Variants in POGZ observed in about 807,000 individuals in gnomAD.
POGZ encodes pogo transposable element derived with ZNF domain.
POGZ carries 17 observed loss-of-function variants against 134.6 expected under a neutral mutation model. The ratio of observed to expected loss-of-function variants is 0.13; its 90% confidence interval spans 0.09 to 0.19. The LOEUF (loss-of-function observed/expected upper bound fraction) is 0.19, where lower values mean the gene tolerates loss of function less well. Among genes scored for constraint, POGZ ranks in the 10% least tolerant of loss-of-function variants. The probability of loss-of-function intolerance (pLI) is 1.00; values close to 1 mark genes in which losing one functional copy is unlikely to be tolerated. For synonymous variants in POGZ, 693 were observed against 657.1 expected (o/e 1.05, Z -0.84); for missense variants, 1,306 against 1,769.7 (o/e 0.74, Z 4.70).
chr1:151,417,658 G>A (rs1557889470), intron 10 of POGZ, among the ~76,000 whole-genome samples: 2 of 149,086 alleles, frequency 1.3e-5, no homozygotes, highest in East Asian at 3.9e-4. Context: ...CACTGCGCCG[G>A]CCTATTAGAT....
chr1:151,406,870 T>C (rs745368846), intron 17 of POGZ, 41 bp downstream of exon 17: 3 of 1,469,986 alleles, frequency 2.0e-6, no homozygotes, highest in African/African-American at 2.8e-5. Context: ...TGTATCTTTT[T>C]TCCTCCCCTT....
In POGZ at chr1:151,411,702, G is replaced by A. The variant is rs930006233; in HGVS notation, c.1849C>T (p.Arg617Trp). ...VHFRMIHEDT[R>W]HLLCPYCLKV... ...AGGCAATAAGGGCAGAGCAGATGCC[G>A]GGTATCCTCATGGATCATCCGAAAA... is the stretch of plus-strand genomic sequence containing the variant. The change falls in exon 12 of 19, where the codon CGG becomes TGG. Residue 617 changes from arginine to tryptophan, a missense_variant. Arg to Trp is a moderately radical substitution (Grantham distance 101). Coordinates refer to ENST00000271715, the MANE Select transcript of POGZ (RefSeq NM_015100.4). The A allele has an allele frequency of 4.3e-6, 7 of 1,613,174 alleles. No homozygotes were observed. Among genetic ancestry groups the A allele is most frequent in the Admixed American group, 1.7e-5 (1 of 59,956 alleles).
chr1:151,416,626 T>TG (rs1655761235), intron 10 of POGZ, among the ~76,000 whole-genome samples: 1 of 19,700 alleles, frequency 5.1e-5, no homozygotes, highest in African/African-American at 9.5e-5. Context: ...ACTTTTTGGG[T>TG]TTTTTTTTTT....
chr1:151,420,301 A>G (rs1024874393), intron 10 of POGZ, among the ~76,000 whole-genome samples: 6 of 152,130 alleles, frequency 3.9e-5, no homozygotes, highest in African/African-American at 1.4e-4. Context: ...CCCTGGCACT[A>G]CACTGCAGTG....
At chr1:151,432,213 G>C (rs1409955750) in intron 3 of POGZ, among the ~76,000 whole-genome samples, 1 of 152,062 alleles carries the variant, frequency 6.6e-6, no homozygotes, top group African/African-American at 2.4e-5. Context: ...AAAAACCAAA[G>C]AGTCAAGCAA....
chr1:151,437,709 G>A (rs1017714735), intron 3 of POGZ, among the ~76,000 whole-genome samples: 2 of 152,044 alleles, frequency 1.3e-5, no homozygotes, highest in Admixed American at 6.5e-5. Context: ...CCGAGACTGC[G>A]CCACTGCACT....
At chr1:151,415,738 A>AT (rs1655525158) in intron 10 of POGZ, among the ~76,000 whole-genome samples, 1 of 152,026 alleles carries the variant, frequency 6.6e-6, no homozygotes, top group Non-Finnish European at 1.5e-5. Flanking sequence ...GGAAAACAGG[A>AT]ATAATAACTA....
intron 16 of POGZ, 84 bp from the exon 17 acceptor site, chr1:151,407,107 G>A: frequency 8.0e-7 from 1 of 1,246,700 alleles, no homozygotes; most frequent in Non-Finnish European, 1.2e-6. Context: ...AGAAAGAAAA[G>A]GAATGCCCTC....
chr1:151,447,469 T>C (rs1230075651), intron 1 of POGZ, among the ~76,000 whole-genome samples: 1 of 151,758 alleles, frequency 6.6e-6, no homozygotes, highest in Non-Finnish European at 1.5e-5. Context: ...TTTTCTCTTC[T>C]TTTTTTGTGA....
rs970232972 is a variant in POGZ, at chr1:151,408,758, T to C, written c.1997A>G (p.Lys666Arg). The C allele has an allele frequency of 5.0e-6, 8 of 1,614,026 alleles. No individual in the cohort carries two copies. The highest frequency in any genetic ancestry group is 2.2e-5 in the South Asian group (2 of 91,076). ...FLFAKDKIEHKLQHHKTFRKP... is the reference protein window; with the variant it reads ...FLFAKDKIEHRLQHHKTFRKP... ...ACGGAAGGTTTTATGGTGTTGAAGC[T>C]TGTGTTCAATTTTGTCCTTGGCAAA... The change falls in exon 13 of 19, where the codon AAG becomes AGG. Residue 666 changes from lysine to arginine, a missense_variant. By Grantham distance (26) the Lys-to-Arg change is conservative (BLOSUM62 2). Coordinates refer to ENST00000271715, the MANE Select transcript of POGZ (RefSeq NM_015100.4).
chr1:151,444,700 TTTATC>T (rs1275690992), intron 1 of POGZ, among the ~76,000 whole-genome samples: 2 of 152,212 alleles, frequency 1.3e-5, no homozygotes, highest in African/African-American at 2.4e-5. Context: ...AGGGTGTTCT[TTTATC>T]TTAAGTATTT....
chr1:151,450,113 C>T (rs1025010051), intron 1 of POGZ, among the ~76,000 whole-genome samples: 3 of 144,120 alleles, frequency 2.1e-5, no homozygotes, highest in East Asian at 2.4e-4. Flanking sequence ...CTCACTGCAA[C>T]CTCCGCCTAC....
At chr1:151,408,024 AAAAAAAAG>A (rs1478591581) in intron 15 of POGZ, 68 bp downstream of exon 15, 1,977 of 1,054,118 alleles carry the variant, frequency 1.9e-3, no homozygotes, top group South Asian at 2.2e-3. Context: ...AAAAAAAAAA[AAAAAAAAG>A]AAGAAGAAGA....
chr1:151,418,505 A>G (rs1175350730), intron 10 of POGZ, among the ~76,000 whole-genome samples: 2 of 152,194 alleles, frequency 1.3e-5, no homozygotes, highest in Non-Finnish European at 2.9e-5. Flanking sequence ...GAAAGAAGAA[A>G]TAAGACCTAG....
intron 12 of POGZ, among the ~76,000 whole-genome samples, chr1:151,410,534 G>A (rs892836899): frequency 1.3e-5 from 2 of 149,280 alleles, no homozygotes; most frequent in Non-Finnish European, 2.9e-5. Flanking sequence ...TAGTACTATG[G>A]TGGTTGCTTT....
At chr1:151,425,716 C>T (rs560708782) in intron 7 of POGZ, among the ~76,000 whole-genome samples, 1 of 152,300 alleles carries the variant, frequency 6.6e-6, no homozygotes, top group East Asian at 1.9e-4. Flanking sequence ...GAACAATATA[C>T]CATTGTATGT....
chr1:151,449,944 T>G (rs1661819540), intron 1 of POGZ, among the ~76,000 whole-genome samples: 1 of 152,096 alleles, frequency 6.6e-6, no homozygotes, highest in Non-Finnish European at 1.5e-5. Flanking sequence ...TGGTTATATC[T>G]TGTATGTTAA....
Position 151,405,780 on chromosome 1 carries a change from G to A in POGZ, c.3255C>T (p.Ala1085=). The change falls in exon 19 of 19, where the codon GCC becomes GCT. Residue 1085 remains alanine (A), a synonymous_variant. Coordinates refer to ENST00000271715, the MANE Select transcript of POGZ (RefSeq NM_015100.4). This position sits in a 1 kb window ranked among gnomAD's most constrained non-coding sequence, Gnocchi z 4.9. ...GTAGGGTGTGGGCCACAGCTCGCCG[G>A]GCATGGGGAGTCAGGTGGTGCCGCA... ...FMLRHHLTPH[A]RRAVAHTLPK... The A allele has an allele frequency of 6.2e-7, 1 of 1,614,158 alleles. No individual in the cohort carries two copies. Among genetic ancestry groups the A allele is most frequent in the South Asian group, 1.1e-5 (1 of 91,078 alleles).
Position 151,408,506 on chromosome 1 carries a change from G to C in POGZ, c.2137C>G (p.Gln713Glu), listed in dbSNP as rs1654073847. Residue 713 changes from glutamine (Q) to glutamate (E), a missense_variant, in exon 14 of 19, where the codon CAG becomes GAG. Physicochemically the swap from Gln to Glu is conservative, Grantham distance 29. This residue lies in a region of POGZ where 149 missense variants were observed against 237.5 expected (regional missense o/e 0.63). Coordinates refer to ENST00000271715, the MANE Select transcript of POGZ (RefSeq NM_015100.4). The part of the protein sequence containing the change: ...SSNDTPPSAL[Q>E]EAAPLTSSMD... ...GAGGAGGTCAGCGGTGCTGCCTCCT[G>C]CAAGGCGCTGGGAGGTGTATCATTA... 4.4e-6 allele frequency: 7 copies of C among 1,593,640 alleles called. No individual in the cohort carries two copies. Among genetic ancestry groups the C allele is most frequent in the African/African-American group, 1.4e-5 (1 of 73,430 alleles).
Sources: gnomAD v4.1 joint callset for allele counts (sites outside exome capture counted in the v4.1 genomes callset) on GRCh38, gnomAD v4.1.1 for gene constraint, gnomAD v4.1.1 regional missense constraint, Gnocchi (gnomAD v3.1) non-coding constraint, MANE v1.5 for transcripts, NCBI Gene and HGNC (gene_info 2026-07-23, HGNC 2026-07-21) for gene names.